RNF213: variants seen among roughly 807,000 people sequenced by gnomAD.
RNF213 encodes the protein E3 ubiquitin-protein ligase RNF213.
RNF213 carries 341 observed loss-of-function variants against 514.4 expected under a neutral mutation model. That is an observed-to-expected ratio of 0.66 (90% confidence interval 0.61 to 0.73). The LOEUF is 0.73. Ranked by LOEUF, RNF213 falls within the 30% of genes least tolerant of loss-of-function variation. RNF213 has a pLI of 0.00. For missense variants in RNF213, 5,767 were observed against 6,615.6 expected (o/e 0.87, Z 4.45); for synonymous variants, 2,655 against 2,658.2 (o/e 1.00, Z 0.04).
rs1410637753 is a variant in RNF213 at position 80,368,271 on chromosome 17, TAA to T, written c.12155+129_12155+130del. The T allele has an allele frequency of 4.4e-5, 43 of 973,344 alleles. No individual in the cohort carries two copies. The East Asian group carries it at 6.7e-4, about 15-fold the overall frequency. The allele number at this position is 973,344 out of a possible 1,614,324, so 60.3% of individuals were successfully genotyped here. On this transcript the variant is annotated intron_variant, in intron 44 of 67. Coordinates refer to ENST00000582970, the MANE Select transcript of RNF213 (RefSeq NM_001256071.3). The stretch of plus-strand genomic sequence containing the variant: ...AAAACCTGACCTCAGAGAACTATCA[TAA>T]GAGACGCCACTTACGTACTTTCATA...
At chr17:80,313,791 A>AGGTGATGGTGGAGGTGGTGG (rs1172882629) in intron 15 of RNF213, among the ~76,000 whole-genome samples, 71 of 21,006 alleles carry the variant, frequency 3.4e-3, no homozygotes, top group South Asian at 5.6e-3. Context: ...GGTGGTGGTG[A>AGGTGATGGTGGAGGTGGTGG]AGGTGATGGT....
Position 80,366,508 on chromosome 17 carries a change from T to G in RNF213, c.11872-1240T>G, listed in dbSNP as rs529546509. On this transcript the variant is annotated intron_variant, in intron 42 of 67. Transcript: ENST00000582970. ...CTAGTTATGATGAGCATCCTTCATG[T>G]GCTTGTTGGGCATTTGCTGTCTTCT... Among the ~76,000 whole-genome samples, 16 of 152,348 alleles carry G rather than the reference T, an allele frequency of 1.1e-4. No individual in the cohort carries two copies. In the South Asian group the frequency reaches 3.1e-3, roughly 30 times the overall value.
chr17:80,373,305 C>A (rs1213536441), intron 49 of RNF213, 140 bp downstream of exon 49: 3 of 636,986 alleles, frequency 4.7e-6, no homozygotes, highest in Admixed American at 4.6e-5. Flanking sequence ...TACCCTCATA[C>A]CCCCACACCT....
rs747426139 is a variant in RNF213, at chr17:80,348,183, T to C, written c.9848T>C (p.Leu3283Pro). 70 of 1,613,828 alleles carry C rather than the reference T, an allele frequency of 4.3e-5. No individual in the cohort carries two copies. Among genetic ancestry groups the C allele is most frequent in the Non-Finnish European group, 2.5e-5 (30 of 1,180,060 alleles). The change falls in exon 29 of 68, where the codon CTG becomes CCG. Residue 3283 changes from leucine to proline, a missense_variant. Transcript: ENST00000582970. The stretch of plus-strand genomic sequence containing the variant: ...CTGGGCGGGTTCGCAGCGGAGTGGC[T>C]GTCGCAGGAGTACTTTCACAGACAG... Reference protein sequence around the residue: ...YSLGGFAAEWLSQEYFHRQRH... With the variant: ...YSLGGFAAEWPSQEYFHRQRH...
intron 67 of RNF213, among the ~76,000 whole-genome samples, chr17:80,392,486 C>T (rs555849498): frequency 3.9e-5 from 6 of 152,280 alleles, no homozygotes; most frequent in Admixed American, 6.5e-5. Context: ...GGGCTTCTGT[C>T]GTGTTTGTGT....
rs1599031971 is a variant in RNF213, at chr17:80,327,821, G to A, written c.3199G>A (p.Asp1067Asn). 4.6e-6 allele frequency: 7 copies of A among 1,535,860 alleles called. No homozygotes were observed. Among genetic ancestry groups the A allele is most frequent in the African/African-American group, 4.1e-5 (3 of 73,024 alleles). The change falls in exon 19 of 68, where the codon GAC becomes AAC. Residue 1067 changes from aspartate to asparagine, a missense_variant. Physicochemically the swap from Asp to Asn is conservative, Grantham distance 23 (BLOSUM62 1). Transcript: ENST00000582970. The part of the protein sequence containing the change: ...VKHVFRLCGT[D>N]EKILANVTED... ...TGTGTTCTTCATCTATTCAGGAACC[G>A]ACGAGAAAATACTAGCAAATGTCAC...
In RNF213 at chr17:80,319,176, T is replaced by G. The variant is rs1408576751; in HGVS notation, c.2902-14T>G. 13 of 1,614,138 alleles carry G rather than the reference T, an allele frequency of 8.1e-6. No individual in the cohort carries two copies. The highest frequency in any genetic ancestry group is 1.1e-5 in the Non-Finnish European group (13 of 1,180,016). ...TCCGAAAGCTCTGAAACCACCCCCC[T>G]TTGATTTTTGCAGGAGGAACCCCTC... On this transcript the variant is annotated splice_polypyrimidine_tract_variant and intron_variant, in intron 16 of 67. Transcript: ENST00000582970.
At position 80,386,376 on chromosome 17, in the gene RNF213, G is replaced by A. The variant is rs142310082; in HGVS notation, c.14666G>A (p.Arg4889His). 8.7e-5 allele frequency: 140 copies of A among 1,614,138 alleles called. No homozygotes were observed. The highest frequency in any genetic ancestry group is 6.0e-4 in the African/African-American group (45 of 75,026). Residue 4889 changes from arginine to histidine, a missense_variant, in exon 62 of 68, where the codon CGC (arginine) becomes CAC (histidine). By Grantham distance (29) the Arg-to-His change is conservative. Transcript: ENST00000582970. Reference protein sequence around the residue: ...CATALVSYLIRLHNEIVYAVE... With the variant: ...CATALVSYLIHLHNEIVYAVE... Reference sequence around the variant, plus strand: ...ACCGCTCTCGTCAGCTACTTGATTCGCCTACACAATGAAATTGTCTACGCC... The same window carrying A: ...ACCGCTCTCGTCAGCTACTTGATTCACCTACACAATGAAATTGTCTACGCC...
intron 2 of RNF213, among the ~76,000 whole-genome samples, chr17:80,271,044 G>A (rs988978835): frequency 6.6e-6 from 1 of 152,104 alleles, no homozygotes; most frequent in Non-Finnish European, 1.5e-5. Context: ...TCAATCACTA[G>A]TGCCAGGGTA....
At position 80,334,126 on chromosome 17, in the gene RNF213, C is replaced by G. The variant is rs978205922; in HGVS notation, c.4165C>G (p.Arg1389Gly). ...LNFTDNFDDF[R>G]RETLDQINQE... The stretch of plus-strand genomic sequence containing the variant: ...GCAGACTGATAACTTCGACGACTTT[C>G]GCCGTGAAACACTGGACCAGATCAA... Residue 1389 changes from arginine (R) to glycine (G), a missense_variant, in exon 22 of 68, where the codon CGC (arginine) becomes GGC (glycine). Arg to Gly is a moderately radical substitution (Grantham distance 125, BLOSUM62 -2). Coordinates refer to ENST00000582970, the MANE Select transcript of RNF213 (RefSeq NM_001256071.3). 3 of 1,537,108 alleles carry G rather than the reference C, an allele frequency of 2.0e-6. No individual in the cohort carries two copies. Among genetic ancestry groups the G allele is most frequent in the Non-Finnish European group, 2.6e-6 (3 of 1,146,914 alleles).
chr17:80,299,018 C>T (rs2045074076), intron 11 of RNF213, among the ~76,000 whole-genome samples: 1 of 152,078 alleles, frequency 6.6e-6, no homozygotes, highest in Non-Finnish European at 1.5e-5. Context: ...ACAGAAACAA[C>T]TTGTAACCTC....
Position 80,353,377 on chromosome 17 carries a change from G to T in RNF213, c.10424-135G>T. 9.8e-7 allele frequency: 1 copy of T among 1,022,274 alleles called. No homozygotes were observed. 63.3% of individuals were successfully genotyped at this position (1,022,274 alleles called of 1,614,324 possible). On this transcript the variant is annotated intron_variant, in intron 33 of 67. Coordinates refer to ENST00000582970, the MANE Select transcript of RNF213 (RefSeq NM_001256071.3). The surrounding 1 kb of genome is among the most constrained non-coding windows in gnomAD (Gnocchi z 5.0). ...TCTTCATGACCGTGATCTCTCATCT[G>T]GGGACCTAGCACCACAGCAGGGGCC...
intron 2 of RNF213, among the ~76,000 whole-genome samples, chr17:80,267,391 C>T (rs919238086): frequency 3.3e-5 from 5 of 151,082 alleles, no homozygotes; most frequent in Admixed American, 6.6e-5. Flanking sequence ...TGCAGTGAGC[C>T]GAGATCACGC....
At position 80,327,966 on chromosome 17, in the gene RNF213, A is replaced by G. The variant is rs1251396821; in HGVS notation, c.3344A>G (p.Gln1115Arg). 2 of 1,537,186 alleles carry G rather than the reference A, an allele frequency of 1.3e-6. No individual in the cohort carries two copies. Among genetic ancestry groups the G allele is most frequent in the African/African-American group, 1.4e-5 (1 of 73,066 alleles). ...QLELIIKHKN[Q>R]FLDIWQLREK... is the part of the protein sequence containing the mutation. ...GAGCTGATTATAAAGCACAAGAATC[A>G]GTTTCTTGACATCTGGCAACTGAGT... The change falls in exon 19 of 68, where the codon CAG (glutamine) becomes CGG (arginine). Residue 1115 changes from glutamine (Q) to arginine (R), a missense_variant. By Grantham distance (43) the Gln-to-Arg change is conservative (BLOSUM62 1). This residue lies in a region of RNF213 where 516 missense variants were observed against 566.5 expected (regional missense o/e 0.91). Transcript: ENST00000582970.
chr17:80,383,769 C>A lies in RNF213; in HGVS notation c.14163C>A (p.Asp4721Glu), dbSNP rs1295971247. 1.9e-6 allele frequency: 3 copies of A among 1,614,132 alleles called. 1 individual carries two copies. In the Middle Eastern group the frequency reaches 4.9e-4, roughly 266 times the overall value. Residue 4721 changes from aspartate (D) to glutamate (E), a missense_variant, in exon 59 of 68, where the codon GAC (aspartate) becomes GAA (glutamate). Coordinates refer to ENST00000582970, the MANE Select transcript of RNF213 (RefSeq NM_001256071.3). Reference protein sequence around the residue: ...SNPVAKIIYGDPVTFLPHLPR... With the variant: ...SNPVAKIIYGEPVTFLPHLPR... The stretch of plus-strand genomic sequence containing the variant: ...CTGTGGCCAAAATAATATATGGTGA[C>A]CCAGTGACCTTCCTGCCCCACCTGC...
Position 80,264,072 on chromosome 17 carries a change from G to A in RNF213, c.97+294G>A, listed in dbSNP as rs2043524620. ...TGAGCCCACCCGAGTGGGAGGAGAG[G>A]GCAGGGCCAGGGCAGGGAGAGGACA... On this transcript the variant is annotated intron_variant, in intron 2 of 67. Transcript: ENST00000582970. The surrounding 1 kb of genome is among the most constrained non-coding windows in gnomAD (Gnocchi z 5.0). Among the ~76,000 whole-genome samples the A allele has an allele frequency of 6.6e-6, 1 of 152,176 alleles. No individual in the cohort carries two copies. Among genetic ancestry groups the A allele is most frequent in the African/African-American group, 2.4e-5 (1 of 41,442 alleles).
At chr17:80,359,241 T>C (rs1026197911) in intron 37 of RNF213, among the ~76,000 whole-genome samples, 8 of 151,910 alleles carry the variant, frequency 5.3e-5, no homozygotes, top group African/African-American at 1.7e-4. Context: ...TAGAAATAAA[T>C]GTGCCCAGGC....
At position 80,376,451 on chromosome 17, in the gene RNF213, A is replaced by T. The variant is rs375998023; in HGVS notation, c.13336A>T (p.Met4446Leu). 1.9e-6 allele frequency: 3 copies of T among 1,614,064 alleles called. No individual in the cohort carries two copies. The highest frequency in any genetic ancestry group is 2.5e-6 in the Non-Finnish European group (3 of 1,180,054). The change falls in exon 52 of 68, where the codon ATG becomes TTG. Residue 4446 changes from methionine (M) to leucine (L), a missense_variant. Physicochemically the swap from Met to Leu is conservative, Grantham distance 15 (BLOSUM62 2). Around this residue, in one of 13 missense-constraint regions of RNF213, gnomAD observed 1,245 missense variants for 1,339.0 expected, o/e 0.93. Coordinates refer to ENST00000582970, the MANE Select transcript of RNF213 (RefSeq NM_001256071.3). ...CAACCTTGATGGAACGGTGACAGAA[A>T]TGGCCATTCATGCTGCAGCCGTCCT... ...DSNLDGTVTEMAIHAAAVLLC... is the reference protein window; with the variant it reads ...DSNLDGTVTELAIHAAAVLLC...
chr17:80,276,576 G>A (rs1276822667), intron 3 of RNF213, among the ~76,000 whole-genome samples: 1 of 152,072 alleles, frequency 6.6e-6, no homozygotes, highest in African/African-American at 2.4e-5. Flanking sequence ...CAGGCGCGGT[G>A]GCTCACTGGG....
Sources: allele counts gnomAD v4.1 joint callset (sites outside exome capture counted in the v4.1 genomes callset), GRCh38; gene constraint gnomAD v4.1.1; regional missense constraint gnomAD v4.1.1; non-coding constraint Gnocchi (gnomAD v3.1); transcripts MANE v1.5; gene names NCBI Gene and HGNC (gene_info 2026-07-23, HGNC 2026-07-21).